SHANK2: variants seen among roughly 807,000 people sequenced by gnomAD.
SHANK2 encodes SH3 and multiple ankyrin repeat domains protein 2.
Under a neutral mutation model 133.7 loss-of-function variants are expected in SHANK2, and 43 were observed. The observed-to-expected ratio is 0.32, with a 90% CI of 0.25 to 0.41. The LOEUF (loss-of-function observed/expected upper bound fraction) is 0.41. Among genes scored for constraint, SHANK2 ranks in the 10% least tolerant of loss-of-function variants. The pLI is 1.00. For synonymous variants in SHANK2, 1,017 were observed against 952.8 expected, an observed-to-expected ratio of 1.07 and a Z score of -1.24; for missense variants, 1,994 against 2,235.8, an observed-to-expected ratio of 0.89 and a Z score of 2.18.
At chr11:70,607,350 C>A (rs1383138275) in intron 17 of SHANK2, among the ~76,000 whole-genome samples, 1 of 152,180 alleles carries the variant, frequency 6.6e-6, no homozygotes, top group Non-Finnish European at 1.5e-5. Context: ...AACCTGGCCA[C>A]TTTCCGGCTC....
Position 70,535,321 on chromosome 11 carries a change from C to T in SHANK2, c.2062-32390G>A, listed in dbSNP as rs1300956643. On this transcript the variant is annotated intron_variant, in intron 17 of 25. Transcript: ENST00000601538. This position sits in a 1 kb window ranked among gnomAD's most constrained non-coding sequence, Gnocchi z 4.3. ...TCCATCATTCAGTCCATCCATCACT[C>T]TATCCCTCTGTTCTTCCATTCATCC... is the stretch of plus-strand genomic sequence containing the variant. Among the ~76,000 whole-genome samples the T allele has an allele frequency of 6.7e-6, 1 of 150,284 alleles. No individual in the cohort carries two copies. The highest frequency in any genetic ancestry group is 1.5e-5 in the Non-Finnish European group (1 of 67,410).
At chr11:70,656,721 T>G (rs1043512189) in intron 17 of SHANK2, among the ~76,000 whole-genome samples, 3 of 152,156 alleles carry the variant, frequency 2.0e-5, no homozygotes, top group African/African-American at 7.2e-5. Context: ...GGTGAACCTT[T>G]TATTACCACA....
chr11:71,056,076 C>T lies in SHANK2; in HGVS notation c.1107+405G>A, dbSNP rs915513600. ...TTGTTCTCCCTCCACTCTGGGACAG[C>T]GGACCCCATGGGGGTGCCAATGGAA... On this transcript the variant is annotated intron_variant, in intron 10 of 25. Transcript: ENST00000601538. 9.5e-4 allele frequency among the ~76,000 whole-genome samples: 144 copies of T among 152,274 alleles called. 4 individuals carry two copies. Among genetic ancestry groups the T allele is most frequent in the Admixed American group, 7.8e-3 (119 of 15,296 alleles).
At chr11:70,505,395 G>A (rs1231892071) in intron 17 of SHANK2, among the ~76,000 whole-genome samples, 1 of 152,048 alleles carries the variant, frequency 6.6e-6, no homozygotes, top group Admixed American at 6.6e-5. Flanking sequence ...GATGGAGGAG[G>A]CAGGCTGCCC....
chr11:71,188,560 G>C lies in SHANK2; in HGVS notation c.-13+36137C>G, dbSNP rs1006799508. 2.0e-5 allele frequency among the ~76,000 whole-genome samples: 3 copies of C among 152,212 alleles called. No individual in the cohort carries two copies. The highest frequency in any genetic ancestry group is 2.9e-5 in the Non-Finnish European group (2 of 68,038). ...GAGTAATTGAAAGGTGGAAATAAAC[G>C]AGGCCCCATGAATTACCCTGGCAAC... On this transcript the variant is annotated intron_variant, in intron 2 of 25. Coordinates refer to ENST00000601538, the MANE Select transcript of SHANK2 (RefSeq NM_012309.5). The surrounding 1 kb of genome is among the most constrained non-coding windows in gnomAD (Gnocchi z 4.6).
At chr11:70,718,012 G>A (rs559536430) in intron 14 of SHANK2, among the ~76,000 whole-genome samples, 25 of 152,226 alleles carry the variant, frequency 1.6e-4, no homozygotes, top group South Asian at 1.5e-3. Flanking sequence ...CTGGAGCCGC[G>A]TCCTTCCACT....
intron 17 of SHANK2, among the ~76,000 whole-genome samples, chr11:70,645,643 T>C (rs1257369628): frequency 1.3e-5 from 2 of 152,256 alleles, no homozygotes; most frequent in South Asian, 2.1e-4. Flanking sequence ...ATGTCACGAA[T>C]TGGAGGCAAC....
At chr11:71,235,611 C>T (rs1371550568) in intron 1 of SHANK2, among the ~76,000 whole-genome samples, 4 of 135,842 alleles carry the variant, frequency 2.9e-5, no homozygotes, top group Non-Finnish European at 4.7e-5. Flanking sequence ...AAAAAAAAAA[C>T]GTTAACTTTA....
intron 14 of SHANK2, among the ~76,000 whole-genome samples, chr11:70,704,651 C>A (rs1212795743): frequency 6.6e-6 from 1 of 152,166 alleles, no homozygotes; most frequent in Non-Finnish European, 1.5e-5. Context: ...CGGGCTATGG[C>A]CACCATTCAA....
chr11:71,152,406 G>A (rs1356323280), intron 2 of SHANK2, among the ~76,000 whole-genome samples: 3 of 152,108 alleles, frequency 2.0e-5, no homozygotes, highest in Non-Finnish European at 4.4e-5. Flanking sequence ...GAGCCACCGC[G>A]CCTGGCCAGA....
intron 17 of SHANK2, among the ~76,000 whole-genome samples, chr11:70,552,927 C>T (rs782361787): frequency 1.2e-4 from 18 of 152,088 alleles, no homozygotes; most frequent in Non-Finnish European, 2.4e-4. Context: ...CTGAGAGCAA[C>T]GTATCTCAGC....
intron 2 of SHANK2, among the ~76,000 whole-genome samples, chr11:71,181,134 G>A (rs962443151): frequency 3.3e-5 from 5 of 152,056 alleles, no homozygotes. Context: ...TGGAGAAGCC[G>A]ACCAGCTTGC....
At chr11:70,582,957 G>A (rs1299492041) in intron 17 of SHANK2, among the ~76,000 whole-genome samples, 2 of 152,230 alleles carry the variant, frequency 1.3e-5, no homozygotes, top group Non-Finnish European at 2.9e-5. Flanking sequence ...GGTCTGCTGT[G>A]CAGCTCACTC....
intron 15 of SHANK2, among the ~76,000 whole-genome samples, chr11:70,690,728 G>GA (rs1462190593): frequency 8.1e-6 from 1 of 123,670 alleles, no homozygotes; most frequent in African/African-American, 3.0e-5. Flanking sequence ...TATACCAAAG[G>GA]GTCGAGTGAT....
At chr11:70,605,083 G>C (rs2060556869) in intron 17 of SHANK2, among the ~76,000 whole-genome samples, 1 of 152,254 alleles carries the variant, frequency 6.6e-6, no homozygotes, top group Non-Finnish European at 1.5e-5. Context: ...AGCCCTCCGA[G>C]GATGGGAGGC....
intron 17 of SHANK2, among the ~76,000 whole-genome samples, chr11:70,582,882 C>T (rs889478121): frequency 7.2e-5 from 11 of 152,110 alleles, no homozygotes; most frequent in Admixed American, 1.3e-4. Context: ...GTGGGGTGTG[C>T]GTGTCTGATG....
intron 14 of SHANK2, among the ~76,000 whole-genome samples, chr11:70,727,170 C>T (rs782116934): frequency 3.9e-5 from 6 of 152,242 alleles, no homozygotes; most frequent in Non-Finnish European, 5.9e-5. Context: ...TTACCATCTA[C>T]AAAATGGAGA....
chr11:70,551,414 G>A (rs1162282170), intron 17 of SHANK2, among the ~76,000 whole-genome samples: 1 of 151,480 alleles, frequency 6.6e-6, no homozygotes, highest in African/African-American at 2.4e-5. Flanking sequence ...TTTGTGGGCA[G>A]AATTCTCAAA....
At position 70,531,910 on chromosome 11, in the gene SHANK2, C is replaced by T. The variant is rs141140336; in HGVS notation, c.2062-28979G>A. 1.7e-3 allele frequency among the ~76,000 whole-genome samples: 265 copies of T among 152,234 alleles called. 2 individuals are homozygous for T. The highest frequency in any genetic ancestry group is 8.5e-3 in the South Asian group (41 of 4,824). On this transcript the variant is annotated intron_variant, in intron 17 of 25. Coordinates refer to ENST00000601538, the MANE Select transcript of SHANK2 (RefSeq NM_012309.5). ...GGGGCTTGTCTCTGCCAAACCTTCC[C>T]GGAGCTGACAGTAGGGACCAGATCT...
Sources: allele counts gnomAD v4.1 joint callset (sites outside exome capture counted in the v4.1 genomes callset), GRCh38; gene constraint gnomAD v4.1.1; non-coding constraint Gnocchi (gnomAD v3.1); transcripts MANE v1.5; gene names NCBI Gene and HGNC (gene_info 2026-07-23, HGNC 2026-07-21).